Variants in TMIE observed in about 807,000 individuals in gnomAD.
The protein encoded by TMIE is transmembrane inner ear, also known as transmembrane inner ear expressed protein.
TMIE carries 14 observed loss-of-function variants against 16.8 expected under a neutral mutation model. The observed-to-expected ratio is 0.83, with a 90% CI of 0.55 to 1.30. The LOEUF (loss-of-function observed/expected upper bound fraction) is 1.30, where lower values mean the gene tolerates loss of function less well. TMIE is among the 50% of genes most tolerant of loss of function. TMIE has a pLI of 0.00. For synonymous variants in TMIE, 75 were observed against 87.2 expected, an observed-to-expected ratio of 0.86 and a Z score of 0.78; for missense variants, 204 against 205.9, an observed-to-expected ratio of 0.99 and a Z score of 0.06.
At position 46,709,812 on chromosome 3, in the gene TMIE, C is replaced by G; in HGVS notation, c.*124C>G. The G allele has an allele frequency of 6.4e-7, 1 of 1,555,436 alleles. No individual in the cohort carries two copies. Among genetic ancestry groups the G allele is most frequent in the Non-Finnish European group, 8.7e-7 (1 of 1,147,224 alleles). ...CTGTGGTCAGAGAGGGAAGCTGAGG[C>G]CCATGGCCACATCCTCATGGCCCAT... On this transcript the variant is annotated 3_prime_UTR_variant, in exon 4 of 4. Coordinates refer to ENST00000643606, the MANE Select transcript of TMIE (RefSeq NM_147196.3).
intron 2 of TMIE, 70 bp downstream of exon 2, chr3:46,705,977 G>A: frequency 6.7e-7 from 1 of 1,502,504 alleles, no homozygotes; most frequent in Admixed American, 1.7e-5. Context: ...CCCCCAGAGG[G>A]CTCAGAGCAG....
At chr3:46,696,941 G>A (rs960017272), upstream of TMIE, among the ~76,000 whole-genome samples, 4 of 152,304 alleles carry the variant, frequency 2.6e-5, no homozygotes, top group Admixed American at 2.6e-4. Context: ...GGTGCAGGGG[G>A]ATGTGGAGGC....
At chr3:46,708,751 G>A (rs547424170) in intron 2 of TMIE, among the ~76,000 whole-genome samples, 23 of 152,310 alleles carry the variant, frequency 1.5e-4, no homozygotes, top group Non-Finnish European at 2.6e-4. Flanking sequence ...TGCACACCCG[G>A]AGGCCTGGGT....
At position 46,709,583 on chromosome 3, in the gene TMIE, TAAGAAGAAG is replaced by T. The variant is rs10578999; in HGVS notation, c.385_393del (p.Lys129_Lys131del). On this transcript the variant is annotated inframe_deletion, in exon 4 of 4. Transcript: ENST00000643606. ...TCTCTTCCCCCTGCCCCACAGAGGA[TAAGAAGAAG>T]AAGAAGAAGAAGAAGAAGGACAGTG... The T allele has an allele frequency of 4.7e-4, 725 of 1,552,408 alleles. No homozygotes were observed. Among genetic ancestry groups the T allele is most frequent in the South Asian group, 3.7e-3 (331 of 89,498 alleles).
chr3:46,702,068 A>C (rs993466116), intron 1 of TMIE, among the ~76,000 whole-genome samples: 1 of 152,014 alleles, frequency 6.6e-6, no homozygotes, highest in Non-Finnish European at 1.5e-5. Flanking sequence ...ATGGAGGGGG[A>C]GACATAGCCT....
rs956242574 is a variant in TMIE, at chr3:46,701,803, C to G, written c.93+223C>G. 6.6e-6 allele frequency among the ~76,000 whole-genome samples: 1 copy of G among 152,188 alleles called. No homozygotes were observed. The highest frequency in any genetic ancestry group is 1.9e-4 in the East Asian group (1 of 5,194). On this transcript the variant is annotated intron_variant, in intron 1 of 3. Transcript: ENST00000643606. This position sits in a 1 kb window ranked among gnomAD's most constrained non-coding sequence, Gnocchi z 4.3. ...TGGTCTGATGGAAGGGCACAGTACCCGATTTCTGGAACATTAGTCTGACGG... is the reference window on the plus strand; with the variant it reads ...TGGTCTGATGGAAGGGCACAGTACCGGATTTCTGGAACATTAGTCTGACGG...
intron 1 of TMIE, among the ~76,000 whole-genome samples, chr3:46,702,643 G>C (rs957437266): frequency 7.9e-5 from 12 of 152,096 alleles, no homozygotes; most frequent in African/African-American, 2.9e-4. Context: ...GTCCTGAGGG[G>C]TGGGGGCTTG....
intron 1 of TMIE, among the ~76,000 whole-genome samples, chr3:46,703,800 A>T (rs1700507749): frequency 6.6e-6 from 1 of 152,176 alleles, no homozygotes; most frequent in African/African-American, 2.4e-5. Flanking sequence ...CTCATGACAG[A>T]TGCCTAATCC....
At chr3:46,706,325 G>C (rs930414829) in intron 2 of TMIE, among the ~76,000 whole-genome samples, 1 of 152,192 alleles carries the variant, frequency 6.6e-6, no homozygotes, top group Non-Finnish European at 1.5e-5. Flanking sequence ...GTGGCTCCCA[G>C]GCTTCAATCC....
At chr3:46,700,206 T>C (rs1442091411), upstream of TMIE, among the ~76,000 whole-genome samples, 1 of 152,216 alleles carries the variant, frequency 6.6e-6, no homozygotes. Context: ...GTTGAGCGTT[T>C]CCTCGATGGG....
chr3:46,706,603 G>A lies in TMIE; in HGVS notation c.211+696G>A, dbSNP rs895359914. On this transcript the variant is annotated intron_variant, in intron 2 of 3. Transcript: ENST00000643606. The stretch of plus-strand genomic sequence containing the variant: ...GGTTCCCACGAGGCAAAAGCAGAGT[G>A]GGGGGGAATGTAGGAGGTAAAGGGA... 2.0e-5 allele frequency among the ~76,000 whole-genome samples: 3 copies of A among 152,132 alleles called. No homozygotes were observed. The South Asian group carries it at 6.2e-4, about 32-fold the overall frequency.
upstream of TMIE, among the ~76,000 whole-genome samples, chr3:46,693,917 G>C (rs1379003703): frequency 6.6e-6 from 1 of 151,972 alleles, no homozygotes; most frequent in African/African-American, 2.4e-5. Context: ...GACCCGGCGC[G>C]GGGAGGAAAA....
In TMIE at chr3:46,705,790, C is replaced by A; in HGVS notation, c.94C>A (p.Pro32Thr). Residue 32 changes from proline to threonine, a missense_variant and splice_region_variant, in exon 2 of 4, where the codon CCC becomes ACC. Coordinates refer to ENST00000643606, the MANE Select transcript of TMIE (RefSeq NM_147196.3). ...CACTCCCCTCTCTCCTGACCCACAGCCCAGCACGGCCCCACCCAAGCCCAA... is the reference window on the plus strand; with the variant it reads ...CACTCCCCTCTCTCCTGACCCACAGACCAGCACGGCCCCACCCAAGCCCAA... ...LAGVAGQLVEPSTAPPKPKPP... is the reference protein window; with the variant it reads ...LAGVAGQLVETSTAPPKPKPP... 6.2e-7 allele frequency: 1 copy of A among 1,613,752 alleles called. No homozygotes were observed. The highest frequency in any genetic ancestry group is 8.5e-7 in the Non-Finnish European group (1 of 1,179,954).
Position 46,701,594 on chromosome 3 carries a change from A to ACGGAGG in TMIE, c.93+15_93+20dup. On this transcript the variant is annotated intron_variant, in intron 1 of 3. Transcript: ENST00000643606. The surrounding 1 kb of genome is among the most constrained non-coding windows in gnomAD (Gnocchi z 4.3). Reference sequence around the variant, plus strand: ...CAGCTGGTGGAGGTGAGGCCGCGGCACGGAGGGACTGGGGAGGCTGTCACC... The same window carrying ACGGAGG: ...CAGCTGGTGGAGGTGAGGCCGCGGCACGGAGGCGGAGGGACTGGGGAGGCTGTCACC... 2.3e-6 allele frequency: 3 copies of ACGGAGG among 1,282,406 alleles called. No homozygotes were observed. Among genetic ancestry groups the ACGGAGG allele is most frequent in the Non-Finnish European group, 2.9e-6 (3 of 1,018,274 alleles). The allele number at this position is 1,282,406 out of a possible 1,614,324, so 79.4% of individuals were successfully genotyped here.
chr3:46,709,915 G>T lies in TMIE; in HGVS notation c.*227G>T. The T allele has an allele frequency of 1.2e-6, 1 of 807,210 alleles. No homozygotes were observed. Among genetic ancestry groups the T allele is most frequent in the Non-Finnish European group, 1.9e-6 (1 of 523,798 alleles). The allele number at this position is 807,210 out of a possible 1,614,324, so 50.0% of individuals were successfully genotyped here. A position where few individuals can be genotyped will look rare whatever the true frequency, so the allele number is the denominator to read the frequency against. On this transcript the variant is annotated 3_prime_UTR_variant, in exon 4 of 4. Coordinates refer to ENST00000643606, the MANE Select transcript of TMIE (RefSeq NM_147196.3). The stretch of plus-strand genomic sequence containing the variant: ...TGGCTCCTTTCACCCCATCCACATG[G>T]GTACTGTCTCGGCAGAGGTGGTCTG...
chr3:46,705,918 G>C lies in TMIE; in HGVS notation c.211+11G>C, dbSNP rs1207712338. 1 of 1,612,308 alleles carries C rather than the reference G, an allele frequency of 6.2e-7. No homozygotes were observed. The highest frequency in any genetic ancestry group is 1.3e-5 in the African/African-American group (1 of 74,880). ...TCGTGTTGTCCATCAGTGAGTAGCT[G>C]TTCCCTTCCCTCTCCACCACACTGC... On this transcript the variant is annotated intron_variant, in intron 2 of 3. Coordinates refer to ENST00000643606, the MANE Select transcript of TMIE (RefSeq NM_147196.3).
At chr3:46,709,324 C>A (rs2106787163) in intron 3 of TMIE, 49 bp downstream of exon 3, 1 of 1,612,934 alleles carries the variant, frequency 6.2e-7, no homozygotes, top group Non-Finnish European at 8.5e-7. Flanking sequence ...GTTCCTCAGT[C>A]CTGCTGCCTG....
intron 1 of TMIE, among the ~76,000 whole-genome samples, chr3:46,696,336 A>G (rs543426314): frequency 1.1e-4 from 16 of 152,332 alleles, no homozygotes; most frequent in South Asian, 2.1e-4. Flanking sequence ...ACTCATACCC[A>G]GCCACACACA....
chr3:46,705,744 C>T (rs756095979), intron 1 of TMIE, 46 bp from the exon 2 acceptor site: 1 of 1,569,644 alleles, frequency 6.4e-7, no homozygotes, highest in South Asian at 1.1e-5. Context: ...CTGGTTCCAG[C>T]CAGCTGGCCT....
Sources: allele counts gnomAD v4.1 joint callset (sites outside exome capture counted in the v4.1 genomes callset), GRCh38; gene constraint gnomAD v4.1.1; non-coding constraint Gnocchi (gnomAD v3.1); transcripts MANE v1.5; gene names NCBI Gene and HGNC (gene_info 2026-07-23, HGNC 2026-07-21).